Variants in ANKDD1B observed in about 807,000 individuals in gnomAD.
ANKDD1B encodes the protein ankyrin repeat and death domain-containing protein 1B.
In ANKDD1B, 57 loss-of-function variants were observed where a neutral mutation model predicts 59.7. The observed-to-expected ratio is 0.95, with a 90% CI of 0.77 to 1.19. The LOEUF (loss-of-function observed/expected upper bound fraction) is 1.19. Ranked by LOEUF, ANKDD1B falls within the 50% of genes most tolerant of loss-of-function variation. The probability of loss-of-function intolerance (pLI) is 0.00; values close to 1 mark genes in which losing one functional copy is unlikely to be tolerated. For missense variants in ANKDD1B, 602 were observed against 641.9 expected (o/e 0.94, Z 0.67); for synonymous variants, 216 against 239.5 (o/e 0.90, Z 0.91).
At chr5:75,661,380 G>A (rs1420826913) in intron 10 of ANKDD1B, among the ~76,000 whole-genome samples, 1 of 102,194 alleles carries the variant, frequency 9.8e-6, no homozygotes, top group East Asian at 3.6e-4. Context: ...CTGGGTGAAA[G>A]AGCGAAACTC....
Position 75,611,829 on chromosome 5 carries a change from T to C in ANKDD1B, c.193+2T>C. On this transcript the variant is annotated splice_donor_variant, in intron 1 of 13. Transcript: ENST00000601380. LOFTEE classifies it high-confidence loss of function. ...CAGCAGTTGCCGGACACGAGCTCCG[T>C]GAGTCCCGGGACGAGGTCTCAGAAA... The C allele has an allele frequency of 8.1e-7, 1 of 1,231,842 alleles. No homozygotes were observed. The highest frequency in any genetic ancestry group is 1.0e-6 in the Non-Finnish European group (1 of 988,186). The allele number at this position is 1,231,842 out of a possible 1,614,324, so 76.3% of individuals were successfully genotyped here.
In ANKDD1B at chr5:75,611,578, C is replaced by A; in HGVS notation, c.-57C>A. 9.2e-7 allele frequency: 1 copy of A among 1,083,062 alleles called. No individual in the cohort carries two copies. The highest frequency in any genetic ancestry group is 1.1e-6 in the Non-Finnish European group (1 of 871,124). The allele number at this position is 1,083,062 out of a possible 1,614,324, so 67.1% of individuals were successfully genotyped here. A position where few individuals can be genotyped will look rare whatever the true frequency, so the allele number is the denominator to read the frequency against. On this transcript the variant is annotated 5_prime_UTR_variant, in exon 1 of 14. The change creates a new upstream start codon in the 5' untranslated region. Coordinates refer to ENST00000601380, the MANE Select transcript of ANKDD1B (RefSeq NM_001276713.2). ...TCTGGATCTGTGTCCGAGTCTGGGTCTGGATCTGGGTCCGAGTCTGGGTCT... is the reference window on the plus strand; with the variant it reads ...TCTGGATCTGTGTCCGAGTCTGGGTATGGATCTGGGTCCGAGTCTGGGTCT...
intron 1 of ANKDD1B, among the ~76,000 whole-genome samples, chr5:75,612,374 T>G: frequency 9.1e-6 from 1 of 109,960 alleles, no homozygotes; most frequent in African/African-American, 4.0e-5. Context: ...AGGGTCTTGT[T>G]GCTCTGTTGC....
At chr5:75,618,906 C>T (rs187282016) in intron 2 of ANKDD1B, among the ~76,000 whole-genome samples, 170 of 152,182 alleles carry the variant, frequency 1.1e-3, no homozygotes, top group African/African-American at 3.9e-3. Context: ...CCACCACACC[C>T]GGCTAATTTT....
At chr5:75,615,490 C>T (rs746830346) in intron 1 of ANKDD1B, among the ~76,000 whole-genome samples, 23 of 152,260 alleles carry the variant, frequency 1.5e-4, no homozygotes, top group Middle Eastern at 3.4e-3. Context: ...CATGAGTCTA[C>T]TCAGGCTGCC....
chr5:75,628,042 C>A (rs1774038971), intron 5 of ANKDD1B, among the ~76,000 whole-genome samples: 1 of 152,192 alleles, frequency 6.6e-6, no homozygotes, highest in African/African-American at 2.4e-5. Flanking sequence ...AATAATGAGT[C>A]CACTGGGTCA....
chr5:75,635,000 A>T lies in ANKDD1B; in HGVS notation c.699+4A>T. ...GCATACTTCAGAAAAGGACAAGGTG[A>T]GTTGGACTTTTATTTCTTTGCTGAG... is the stretch of plus-strand genomic sequence containing the variant. On this transcript the variant is annotated splice_donor_region_variant and intron_variant, in intron 6 of 13. Transcript: ENST00000601380. The T allele has an allele frequency of 6.6e-7, 1 of 1,517,592 alleles. No homozygotes were observed. Among genetic ancestry groups the T allele is most frequent in the Non-Finnish European group, 8.8e-7 (1 of 1,130,444 alleles). 94.0% of individuals were successfully genotyped at this position (1,517,592 alleles called of 1,614,324 possible).
At chr5:75,656,803 C>T (rs949885922) in intron 9 of ANKDD1B, among the ~76,000 whole-genome samples, 2 of 152,238 alleles carry the variant, frequency 1.3e-5, no homozygotes, top group African/African-American at 4.8e-5. Context: ...ATGAGACCTT[C>T]TGGCTGCCTC....
At chr5:75,614,661 A>G (rs1406462583) in intron 1 of ANKDD1B, among the ~76,000 whole-genome samples, 1 of 152,168 alleles carries the variant, frequency 6.6e-6, no homozygotes, top group East Asian at 1.9e-4. Context: ...CTCAGCCCCA[A>G]AGTGACATGC....
intron 7 of ANKDD1B, among the ~76,000 whole-genome samples, chr5:75,640,513 C>T (rs575606017): frequency 6.6e-6 from 1 of 152,200 alleles, no homozygotes; most frequent in Non-Finnish European, 1.5e-5. Flanking sequence ...AAGAGTAATG[C>T]ACAAAAGGCA....
In ANKDD1B at chr5:75,666,903, C is replaced by T. The variant is rs1775321114; in HGVS notation, c.1303C>T (p.His435Tyr). The T allele has an allele frequency of 1.3e-6, 2 of 1,533,776 alleles. No individual in the cohort carries two copies. The highest frequency in any genetic ancestry group is 4.9e-5 in the East Asian group (2 of 40,900). The stretch of plus-strand genomic sequence containing the variant: ...CACGCTTCTCTGGGACCTGGCTTAC[C>T]ATCAGCTGAAGGCCAATGAGTGGCA... The part of the protein sequence containing the change: ...IRTLLWDLAY[H>Y]QLKANEWQRL... Residue 435 changes from histidine to tyrosine, a missense_variant, in exon 12 of 14, where the codon CAT (histidine) becomes TAT (tyrosine). Transcript: ENST00000601380.
At chr5:75,659,559 A>G (rs1360256018) in intron 10 of ANKDD1B, among the ~76,000 whole-genome samples, 178 bp downstream of exon 10, 1 of 152,242 alleles carries the variant, frequency 6.6e-6, no homozygotes, top group East Asian at 1.9e-4. Context: ...GTCAGTAAAA[A>G]TTTTTACTCT....
intron 7 of ANKDD1B, among the ~76,000 whole-genome samples, chr5:75,642,253 C>A (rs11956111): frequency 0.093 from 14,198 of 151,948 alleles, 1,599 homozygotes; most frequent in African/African-American, 0.27. Context: ...GCCAAGATGG[C>A]CGAATAGGAA....
intron 1 of ANKDD1B, among the ~76,000 whole-genome samples, chr5:75,614,939 G>A (rs1363668000): frequency 6.6e-6 from 1 of 152,212 alleles, no homozygotes; most frequent in Admixed American, 6.5e-5. Flanking sequence ...GTAAGTGTTT[G>A]CATAGAAGTG....
intron 8 of ANKDD1B, among the ~76,000 whole-genome samples, 167 bp from the exon 9 acceptor site, chr5:75,655,862 C>A (rs927616498): frequency 1.3e-5 from 2 of 152,070 alleles, no homozygotes; most frequent in African/African-American, 4.8e-5. Flanking sequence ...TGTTTCAAAG[C>A]CTTGGGATGA....
At chr5:75,648,259 AAAAAAATT>A in intron 7 of ANKDD1B, among the ~76,000 whole-genome samples, 1 of 10,192 alleles carries the variant, frequency 9.8e-5, no homozygotes, top group African/African-American at 1.9e-4. Context: ...TAATTAAAAA[AAAAAAATT>A]AAAAAAAAAA....
intron 12 of ANKDD1B, among the ~76,000 whole-genome samples, chr5:75,669,010 G>T (rs1775393340): frequency 6.6e-6 from 1 of 152,220 alleles, no homozygotes; most frequent in Admixed American, 6.5e-5. Flanking sequence ...CACCACAGCT[G>T]TCCTCTCTCT....
In ANKDD1B at chr5:75,635,921, G is replaced by A. The variant is rs150218900; in HGVS notation, c.798+39G>A. On this transcript the variant is annotated intron_variant, in intron 7 of 13. Coordinates refer to ENST00000601380, the MANE Select transcript of ANKDD1B (RefSeq NM_001276713.2). ...CTCGTTATTGCCATAGGACTTAAAT[G>A]TGGAAGGGTTGGAGGAATGGCTTTC... The A allele has an allele frequency of 8.2e-4, 1,081 of 1,313,754 alleles. 12 individuals carry two copies. In the East Asian group the frequency reaches 0.025, roughly 30 times the overall value. 81.4% of individuals were successfully genotyped at this position (1,313,754 alleles called of 1,614,324 possible). A position where few individuals can be genotyped will look rare whatever the true frequency, so the allele number is the denominator to read the frequency against.
intron 1 of ANKDD1B, among the ~76,000 whole-genome samples, chr5:75,616,290 T>A (rs1313918322): frequency 6.6e-6 from 1 of 152,250 alleles, no homozygotes; most frequent in Admixed American, 6.5e-5. Context: ...CTATGTGTTT[T>A]TATATAAATG....
Sources: gnomAD v4.1 joint callset for allele counts (sites outside exome capture counted in the v4.1 genomes callset) on GRCh38, gnomAD v4.1.1 for gene constraint, MANE v1.5 for transcripts, NCBI Gene and HGNC (gene_info 2026-07-23, HGNC 2026-07-21) for gene names.